The following SEL1L2 variants were observed in gnomAD, a reference collection of about 807,000 sequenced individuals.
SEL1L2 encodes protein sel-1 homolog 2.
A neutral mutation model predicts 98.8 loss-of-function variants in SEL1L2; 89 were observed. The observed-to-expected ratio is 0.90, with a 90% CI of 0.76 to 1.07. SEL1L2 has a LOEUF of 1.07. SEL1L2 is among the 50% of genes least tolerant of loss of function. The pLI is 0.00. For missense variants in SEL1L2, 788 were observed against 812.0 expected, an observed-to-expected ratio of 0.97 and a Z score of 0.36; for synonymous variants, 262 against 278.5, an observed-to-expected ratio of 0.94 and a Z score of 0.59.
chr20:13,959,326 C>G (rs761161286), intron 1 of SEL1L2, among the ~76,000 whole-genome samples: 40 of 152,170 alleles, frequency 2.6e-4, no homozygotes, highest in Non-Finnish European at 4.6e-4. Flanking sequence ...CAAAGCCAAA[C>G]TTGCACCCAA....
chr20:13,966,601 T>C (rs2051055023), intron 1 of SEL1L2, among the ~76,000 whole-genome samples: 1 of 151,582 alleles, frequency 6.6e-6, no homozygotes, highest in Non-Finnish European at 1.5e-5. Context: ...ATTACAGGTG[T>C]GAGCCACTGC....
intron 1 of SEL1L2, 128 bp downstream of exon 1, chr20:13,990,349 T>C (rs2052481877): frequency 2.9e-6 from 2 of 681,792 alleles, no homozygotes; most frequent in East Asian, 2.7e-5. Context: ...AAAGTACCTG[T>C]ACAAAAATGG....
intron 2 of SEL1L2, among the ~76,000 whole-genome samples, chr20:13,953,245 T>A (rs966338464): frequency 5.9e-5 from 9 of 152,120 alleles, no homozygotes; most frequent in African/African-American, 2.2e-4. Context: ...TCCTTACCCA[T>A]CCCTTTTTTC....
chr20:13,943,034 CT>C (rs2049849299), intron 2 of SEL1L2, among the ~76,000 whole-genome samples: 1 of 152,088 alleles, frequency 6.6e-6, no homozygotes, highest in African/African-American at 2.4e-5. Flanking sequence ...ATAACCACCC[CT>C]AAGTGAAAAG....
At chr20:13,920,882 G>T (rs1247885727) in intron 3 of SEL1L2, among the ~76,000 whole-genome samples, 2 of 151,560 alleles carry the variant, frequency 1.3e-5, no homozygotes, top group African/African-American at 4.8e-5. Flanking sequence ...AAATTATTTT[G>T]AATACTTCAC....
At chr20:13,922,987 C>T in intron 3 of SEL1L2, among the ~76,000 whole-genome samples, 1 of 152,124 alleles carries the variant, frequency 6.6e-6, no homozygotes, top group East Asian at 1.9e-4. Flanking sequence ...TTACTCCCTT[C>T]CCACAGGTAA....
chr20:13,924,288 C>CTTTT lies in SEL1L2; in HGVS notation c.284-5169_284-5166dup, dbSNP rs59961411. The stretch of plus-strand genomic sequence containing the variant: ...TTCAACTTGGTTTTTTTTTGTTTTT[C>CTTTT]TTTTTTTTTCTGGGCTGCATTCAGG... On this transcript the variant is annotated intron_variant, in intron 3 of 19. Coordinates refer to ENST00000284951, the MANE Select transcript of SEL1L2 (RefSeq NM_025229.2). 1.7e-3 allele frequency among the ~76,000 whole-genome samples: 260 copies of CTTTT among 148,920 alleles called. 4 individuals carry two copies. The East Asian group carries it at 0.028, about 16-fold the overall frequency.
At chr20:13,869,707 A>G (rs2046094061) in intron 13 of SEL1L2, 117 bp from the exon 14 acceptor site, 2 of 673,594 alleles carry the variant, frequency 3.0e-6, no homozygotes, top group East Asian at 2.7e-5. Context: ...GGGTAATTAA[A>G]ATAGTATCAG....
At chr20:13,884,806 C>T (rs1241102184) in intron 10 of SEL1L2, among the ~76,000 whole-genome samples, 2 of 151,990 alleles carry the variant, frequency 1.3e-5, no homozygotes, top group African/African-American at 2.4e-5. Context: ...CGTACCTGGC[C>T]GGTTAATTAA....
intron 5 of SEL1L2, among the ~76,000 whole-genome samples, chr20:13,901,635 C>A (rs1312620186): frequency 6.7e-6 from 1 of 148,284 alleles, no homozygotes; most frequent in Non-Finnish European, 1.5e-5. Flanking sequence ...TTTGTGGAAT[C>A]TTTTTTTTAA....
At chr20:13,972,754 C>T (rs891763473) in intron 1 of SEL1L2, among the ~76,000 whole-genome samples, 16 of 152,166 alleles carry the variant, frequency 1.1e-4, no homozygotes, top group African/African-American at 3.9e-4. Flanking sequence ...GCTAAAGAAT[C>T]TGAAGTCAAG....
intron 5 of SEL1L2, among the ~76,000 whole-genome samples, chr20:13,895,984 C>G (rs1474608185): frequency 1.3e-5 from 2 of 151,164 alleles, no homozygotes; most frequent in Admixed American, 1.3e-4. Flanking sequence ...ACCAGCCTGG[C>G]CAACATAGCA....
At chr20:13,984,573 C>A (rs2148567995) in intron 1 of SEL1L2, among the ~76,000 whole-genome samples, 1 of 152,218 alleles carries the variant, frequency 6.6e-6, no homozygotes, top group East Asian at 1.9e-4. Flanking sequence ...TTGTTTGGAC[C>A]ATTCAATAAT....
At chr20:13,987,634 C>CGCTGGG (rs2052293133) in intron 1 of SEL1L2, among the ~76,000 whole-genome samples, 2 of 152,116 alleles carry the variant, frequency 1.3e-5, no homozygotes, top group Non-Finnish European at 2.9e-5. Flanking sequence ...AGGTGTGAGC[C>CGCTGGG]ACTGCGCCCG....
intron 2 of SEL1L2, among the ~76,000 whole-genome samples, chr20:13,937,116 T>C (rs905073469): frequency 6.6e-6 from 1 of 152,262 alleles, no homozygotes; most frequent in Non-Finnish European, 1.5e-5. Flanking sequence ...TCTTCTTTCC[T>C]GTTATCTCCA....
intron 3 of SEL1L2, among the ~76,000 whole-genome samples, chr20:13,919,950 C>T (rs1211929632): frequency 7.0e-6 from 1 of 143,802 alleles, no homozygotes; most frequent in Non-Finnish European, 1.5e-5. Context: ...TGTTATTGGC[C>T]AGGTGAGGTG....
At chr20:13,905,871 C>CTT (rs903449859) in intron 5 of SEL1L2, among the ~76,000 whole-genome samples, 1,507 of 123,722 alleles carry the variant, frequency 0.012, 37 homozygotes, top group African/African-American at 0.041. Flanking sequence ...TTTTCTTTTC[C>CTT]TTTTTTTTTT....
At chr20:13,874,481 C>T (rs2046350093) in intron 12 of SEL1L2, among the ~76,000 whole-genome samples, 1 of 152,166 alleles carries the variant, frequency 6.6e-6, no homozygotes, top group Non-Finnish European at 1.5e-5. Flanking sequence ...GTTGGTTCCA[C>T]AACCCTGAAT....
In SEL1L2 at chr20:13,855,680, C is replaced by G. The variant is rs575916889; in HGVS notation, c.1818+3582G>C. 9.2e-4 allele frequency among the ~76,000 whole-genome samples: 140 copies of G among 152,256 alleles called. 1 individual carries two copies. The highest frequency in any genetic ancestry group is 3.3e-3 in the African/African-American group (137 of 41,548). On this transcript the variant is annotated intron_variant, in intron 18 of 19. Transcript: ENST00000284951. ...TCCTTCCATCACCTGGTTTTGGGGT[C>G]CCCTAAAGCCTTTGTATCTCCTGGC...
Sources: gnomAD v4.1 joint callset for allele counts (sites outside exome capture counted in the v4.1 genomes callset) on GRCh38, gnomAD v4.1.1 for gene constraint, MANE v1.5 for transcripts, NCBI Gene and HGNC (gene_info 2026-07-23, HGNC 2026-07-21) for gene names.